The following PSD2 variants were observed in gnomAD, a reference collection of about 807,000 sequenced individuals.
PSD2 encodes PH and SEC7 domain-containing protein 2.
A neutral mutation model predicts 69.8 loss-of-function variants in PSD2; 38 were observed. The ratio of observed to expected loss-of-function variants is 0.54; its 90% CI spans 0.42 to 0.71. The LOEUF (loss-of-function observed/expected upper bound fraction) is 0.71. Among genes scored for constraint, PSD2 ranks in the 30% least tolerant of loss-of-function variants. The pLI is 0.00. For missense variants in PSD2, 943 were observed against 1,014.5 expected (o/e 0.93, Z 0.96); for synonymous variants, 412 against 423.0 (o/e 0.97, Z 0.32).
At chr5:139,754,383 A>C in the PSD2 span, among the ~76,000 whole-genome samples, 1 of 152,028 alleles carries the variant, frequency 6.6e-6, no homozygotes, top group South Asian at 2.1e-4. Flanking sequence ...CCTGGGCAAC[A>C]TGGTGAAACC....
the PSD2 span, among the ~76,000 whole-genome samples, chr5:139,783,943 C>CTTT: frequency 1.4e-3 from 123 of 87,878 alleles, 11 homozygotes; most frequent in East Asian, 5.9e-3. Context: ...TCTGCTAGCT[C>CTTT]TTTTTTTTTT....
At chr5:139,791,541 CT>C, upstream of PSD2, among the ~76,000 whole-genome samples, 1 of 152,264 alleles carries the variant, frequency 6.6e-6, no homozygotes, top group East Asian at 1.9e-4. Context: ...AAACCCACAG[CT>C]AACACTGTAC....
At chr5:139,827,909 G>A (rs72794899) in intron 7 of PSD2, among the ~76,000 whole-genome samples, 10,208 of 152,202 alleles carry the variant, frequency 0.067, 346 homozygotes, top group Non-Finnish European at 0.084. Flanking sequence ...GACACAGGGC[G>A]AAACTGTATC....
At chr5:139,797,112 T>A (rs1432819158) in intron 1 of PSD2, among the ~76,000 whole-genome samples, 2 of 151,814 alleles carry the variant, frequency 1.3e-5, no homozygotes, top group East Asian at 3.9e-4. Flanking sequence ...TCTTCCACCC[T>A]CTCCCCAGGA....
At position 139,837,445 on chromosome 5, in the gene PSD2, G is replaced by A. The variant is rs534796456; in HGVS notation, c.1666-180G>A. Among the ~76,000 whole-genome samples the A allele has an allele frequency of 3.9e-5, 6 of 152,314 alleles. No homozygotes were observed. The East Asian group carries it at 1.2e-3, about 29-fold the overall frequency. ...TCAGTGGACTCTCAGCATGAGGCCT[G>A]TTCAGGCCTCTGGGACAAACTGGGG... On this transcript the variant is annotated intron_variant, in intron 11 of 14. Transcript: ENST00000274710. The surrounding 1 kb of genome is among the most constrained non-coding windows in gnomAD (Gnocchi z 5.0).
chr5:139,819,934 C>T (rs1760215777), intron 5 of PSD2, among the ~76,000 whole-genome samples: 2 of 152,172 alleles, frequency 1.3e-5, no homozygotes, highest in South Asian at 4.1e-4. Context: ...GCAGAAGGTA[C>T]TGGCTGCAAA....
chr5:139,755,742 C>G, the PSD2 span, among the ~76,000 whole-genome samples: 44 of 151,526 alleles, frequency 2.9e-4, no homozygotes, highest in African/African-American at 9.0e-4. Context: ...GACTGTGTCT[C>G]TGTGTGTGAC....
At chr5:139,792,696 GTCTTTCTTTC>G (rs1759434314), upstream of PSD2, among the ~76,000 whole-genome samples, 2 of 152,032 alleles carry the variant, frequency 1.3e-5, no homozygotes, top group Admixed American at 6.6e-5. Flanking sequence ...TGACCCTGCT[GTCTTTCTTTC>G]TCTTTCTTTC....
At chr5:139,742,869 C>G in the PSD2 span, among the ~76,000 whole-genome samples, 5 of 152,296 alleles carry the variant, frequency 3.3e-5, no homozygotes, top group South Asian at 1.0e-3. Flanking sequence ...CAAATTCCAG[C>G]CTGGAGTGGG....
At chr5:139,796,014 C>A (rs1759515863) in intron 1 of PSD2, 39 bp downstream of exon 1, 1 of 150,322 alleles carries the variant, frequency 6.7e-6, no homozygotes, top group Non-Finnish European at 1.5e-5. Context: ...CGCCCCTCCC[C>A]GCTGGCGGCC....
the PSD2 span, among the ~76,000 whole-genome samples, chr5:139,779,015 T>G: frequency 6.7e-6 from 1 of 149,758 alleles, no homozygotes; most frequent in Admixed American, 6.6e-5. Flanking sequence ...TTTTGGTGCA[T>G]GTTGACAAAT....
chr5:139,766,113 A>G, the PSD2 span, among the ~76,000 whole-genome samples: 1 of 152,036 alleles, frequency 6.6e-6, no homozygotes, highest in Non-Finnish European at 1.5e-5. Context: ...GCCTGGGGAG[A>G]GGGACCGCGG....
At chr5:139,766,832 T>C in the PSD2 span, among the ~76,000 whole-genome samples, 6 of 47,514 alleles carry the variant, frequency 1.3e-4, no homozygotes, top group African/African-American at 2.6e-4. Context: ...CCCTTCCTTC[T>C]TTCTTTCTTT....
At chr5:139,831,546 C>T (rs1209357269) in intron 7 of PSD2, among the ~76,000 whole-genome samples, 1 of 151,936 alleles carries the variant, frequency 6.6e-6, no homozygotes, top group African/African-American at 2.4e-5. Context: ...GTTGTGCATT[C>T]TTTCGGAATT....
chr5:139,841,407 G>A (rs1009916682), intron 14 of PSD2, among the ~76,000 whole-genome samples: 3 of 152,100 alleles, frequency 2.0e-5, no homozygotes, highest in South Asian at 2.1e-4. Flanking sequence ...TTGTTTATCC[G>A]TTTATCCATC....
chr5:139,841,690 C>A (rs565021129), intron 14 of PSD2, among the ~76,000 whole-genome samples: 1 of 152,318 alleles, frequency 6.6e-6, no homozygotes, highest in African/African-American at 2.4e-5. Flanking sequence ...TCTGCTCTTT[C>A]GATAGTAGTA....
intron 8 of PSD2, among the ~76,000 whole-genome samples, chr5:139,834,189 CTGAAG>C (rs759326811): frequency 7.9e-5 from 12 of 152,278 alleles, no homozygotes; most frequent in Admixed American, 2.0e-4. Context: ...TCTTTTGAGG[CTGAAG>C]TGAAGGGTGG....
chr5:139,822,687 T>G (rs558978974), intron 6 of PSD2, 39 bp from the exon 7 acceptor site: 17 of 1,577,188 alleles, frequency 1.1e-5, no homozygotes, highest in South Asian at 2.3e-5. Flanking sequence ...GGGAAGAGGT[T>G]GGATCCTCGC....
the PSD2 span, among the ~76,000 whole-genome samples, chr5:139,770,552 C>T: frequency 1.3e-5 from 2 of 151,946 alleles, no homozygotes; most frequent in African/African-American, 4.8e-5. Context: ...GGCAACAGAG[C>T]GAGACTCCGT....
Sources: allele counts gnomAD v4.1 joint callset (sites outside exome capture counted in the v4.1 genomes callset), GRCh38; gene constraint gnomAD v4.1.1; non-coding constraint Gnocchi (gnomAD v3.1); transcripts MANE v1.5; gene names NCBI Gene and HGNC (gene_info 2026-07-23, HGNC 2026-07-21).